Variants in ZNF248 observed in about 807,000 individuals in gnomAD.
The protein encoded by ZNF248 is zinc finger protein 248.
A neutral mutation model predicts 44.3 loss-of-function variants in ZNF248; 20 were observed. The ratio of observed to expected loss-of-function variants is 0.45; its 90% CI spans 0.32 to 0.66. ZNF248 has a LOEUF of 0.66. Ranked by LOEUF, ZNF248 falls within the 30% of genes least tolerant of loss-of-function variation. The probability of loss-of-function intolerance (pLI) is 0.04; values close to 1 mark genes in which losing one functional copy is unlikely to be tolerated. For synonymous variants in ZNF248, 224 were observed against 229.0 expected (o/e 0.98, Z 0.20); for missense variants, 654 against 677.0 (o/e 0.97, Z 0.38).
At chr10:37,762,566 G>A in the ZNF248 span, among the ~76,000 whole-genome samples, 132 of 152,250 alleles carry the variant, frequency 8.7e-4, 1 homozygote, top group Middle Eastern at 3.4e-3. Context: ...TAAGATTGGG[G>A]GATGGGGGGT....
chr10:37,815,218 C>A (rs1278246367), intron 6 of ZNF248, among the ~76,000 whole-genome samples: 1 of 152,116 alleles, frequency 6.6e-6, no homozygotes, highest in Admixed American at 6.6e-5. Flanking sequence ...AGGCACATGC[C>A]ACCATGCATG....
At chr10:37,798,045 A>C (rs1564484646) in intron 6 of ZNF248, among the ~76,000 whole-genome samples, 1 of 152,148 alleles carries the variant, frequency 6.6e-6, no homozygotes, top group South Asian at 2.1e-4. Context: ...CATAATAGCC[A>C]AAAGGTGGAA....
intron 6 of ZNF248, chr10:37,818,579 C>T: frequency 2.5e-6 from 1 of 398,340 alleles, no homozygotes; most frequent in Non-Finnish European, 4.8e-6. Context: ...GTGTGTTGAA[C>T]AGTTTGTGGC....
At chr10:37,779,415 A>G (rs965799948) in intron 6 of ZNF248, among the ~76,000 whole-genome samples, 1 of 152,166 alleles carries the variant, frequency 6.6e-6, no homozygotes. Context: ...GACAAAAACC[A>G]CATGATTATC....
At chr10:37,798,788 T>C (rs148835984) in intron 6 of ZNF248, among the ~76,000 whole-genome samples, 206 of 152,282 alleles carry the variant, frequency 1.4e-3, no homozygotes, top group Non-Finnish European at 2.6e-3. Context: ...TATAATTCCC[T>C]AGAAGGGGAG....
chr10:37,825,457 G>C (rs1239952303), downstream of ZNF248, among the ~76,000 whole-genome samples: 1 of 151,996 alleles, frequency 6.6e-6, no homozygotes, highest in African/African-American at 2.4e-5. Context: ...TTTTGTTTTT[G>C]AGACAGGCAC....
intron 6 of ZNF248, among the ~76,000 whole-genome samples, chr10:37,821,949 A>C (rs2053537220): frequency 6.6e-6 from 1 of 152,200 alleles, no homozygotes; most frequent in African/African-American, 2.4e-5. Context: ...GCCCAGAACC[A>C]GTTCTCCAAA....
At chr10:37,773,463 G>A (rs145060621), downstream of ZNF248, among the ~76,000 whole-genome samples, 12 of 152,306 alleles carry the variant, frequency 7.9e-5, no homozygotes, top group African/African-American at 1.2e-4. Flanking sequence ...CAATGCAGCC[G>A]CTATGGAAAA....
chr10:37,804,527 CG>C (rs1439376693), intron 6 of ZNF248, among the ~76,000 whole-genome samples: 1 of 152,096 alleles, frequency 6.6e-6, no homozygotes, highest in Non-Finnish European at 1.5e-5. Context: ...TCCGCCTCCC[CG>C]GCTCAAGTGA....
chr10:37,818,988 T>G (rs1148274), intron 6 of ZNF248: 72,192 of 1,000,562 alleles, frequency 0.072, 3,205 homozygotes, highest in Non-Finnish European at 0.091. Flanking sequence ...AACTCTGGTG[T>G]TAAATTGCAA....
rs141951706 is a variant in ZNF248, at chr10:37,808,641, T to C, written c.330+24384A>G. On this transcript the variant is annotated intron_variant, in intron 6 of 6. Coordinates refer to the ZNF248 transcript ENST00000615949. ...TCAGTTTGGTAGCATTTGTTGAAGA[T>C]TGTTGCATTAGGGTTCATAAGGGAT... is the stretch of plus-strand genomic sequence containing the variant. Among the ~76,000 whole-genome samples the C allele has an allele frequency of 4.0e-3, 606 of 152,254 alleles. 3 individuals are homozygous for C. Among genetic ancestry groups the C allele is most frequent in the African/African-American group, 0.014 (569 of 41,556 alleles).
chr10:37,835,854 G>A (rs988089198), intron 5 of ZNF248, among the ~76,000 whole-genome samples: 31 of 152,204 alleles, frequency 2.0e-4, no homozygotes, highest in African/African-American at 7.5e-4. Flanking sequence ...CCTTTCAAAT[G>A]GATACTTCTA....
chr10:37,772,077 C>T (rs949164100), downstream of ZNF248, among the ~76,000 whole-genome samples: 2 of 152,068 alleles, frequency 1.3e-5, no homozygotes, highest in African/African-American at 4.8e-5. Flanking sequence ...CCAGCATGAC[C>T]AACATGGTGA....
chr10:37,793,592 A>T (rs2048809588), intron 6 of ZNF248, among the ~76,000 whole-genome samples: 1 of 152,172 alleles, frequency 6.6e-6, no homozygotes, highest in African/African-American at 2.4e-5. Context: ...TCTAGTTCTA[A>T]TGATTATATT....
intron 6 of ZNF248, among the ~76,000 whole-genome samples, chr10:37,786,850 A>C (rs886209937): frequency 3.3e-5 from 5 of 152,252 alleles, no homozygotes; most frequent in African/African-American, 1.2e-4. Context: ...GATAATGCAC[A>C]AAAGTTTTAA....
chr10:37,836,820 T>C (rs1207619414), intron 5 of ZNF248, among the ~76,000 whole-genome samples: 4 of 151,750 alleles, frequency 2.6e-5, no homozygotes, highest in Non-Finnish European at 4.4e-5. Flanking sequence ...TTTTTTGTCC[T>C]TTATTTTAAT....
At chr10:37,767,047 A>C in the ZNF248 span, among the ~76,000 whole-genome samples, 3 of 152,188 alleles carry the variant, frequency 2.0e-5, no homozygotes, top group African/African-American at 2.4e-5. Context: ...AAATGAATGA[A>C]ATGAAGCAAG....
downstream of ZNF248, chr10:37,775,639 A>G (rs2046526959): frequency 6.6e-6 from 1 of 152,168 alleles, no homozygotes; most frequent in African/African-American, 2.4e-5. Context: ...GCACTTCCTA[A>G]TGGTCAATTT....
At chr10:37,845,313 C>T (rs915207252) in intron 3 of ZNF248, among the ~76,000 whole-genome samples, 3 of 151,060 alleles carry the variant, frequency 2.0e-5, no homozygotes, top group African/African-American at 7.3e-5. Context: ...CCACCATGCT[C>T]GGCCACCTTT....
Sources: allele counts gnomAD v4.1 joint callset (sites outside exome capture counted in the v4.1 genomes callset), GRCh38; gene constraint gnomAD v4.1.1; transcripts MANE v1.5; gene names NCBI Gene and HGNC (gene_info 2026-07-23, HGNC 2026-07-21).